The following ELAVL4 variants were observed in gnomAD, a reference collection of about 807,000 sequenced individuals.
ELAVL4 encodes ELAV like RNA binding protein 4.
Under a neutral mutation model 35.6 loss-of-function variants are expected in ELAVL4, and 1 was observed. That is an observed-to-expected ratio of 0.03 (90% confidence interval 0.01 to 0.13). The LOEUF is 0.13. Among genes scored for constraint, ELAVL4 ranks in the 10% least tolerant of loss-of-function variants. The pLI is 1.00. For missense variants in ELAVL4, 267 were observed against 464.9 expected (o/e 0.57, Z 3.91); for synonymous variants, 156 against 171.0 (o/e 0.91, Z 0.69).
chr1:50,091,839 C>T (rs1044537984), intron 1 of ELAVL4, among the ~76,000 whole-genome samples: 6 of 152,166 alleles, frequency 3.9e-5, no homozygotes, highest in African/African-American at 1.4e-4. Flanking sequence ...TGTTTTATCC[C>T]CATTTAATAG....
intron 2 of ELAVL4, among the ~76,000 whole-genome samples, chr1:50,159,669 A>C (rs992231583): frequency 1.3e-5 from 2 of 152,096 alleles, no homozygotes; most frequent in African/African-American, 4.8e-5. Flanking sequence ...CTGTGCTAAC[A>C]CGACGTGAAA....
chr1:50,048,215 C>A, intron 1 of ELAVL4: 1 of 1,501,342 alleles, frequency 6.7e-7, no homozygotes, highest in Non-Finnish European at 8.9e-7. Flanking sequence ...CCCGCACCCC[C>A]GACTCTGCCC....
intron 1 of ELAVL4, among the ~76,000 whole-genome samples, chr1:50,061,201 TA>T (rs1663947107): frequency 6.6e-6 from 1 of 152,234 alleles, no homozygotes; most frequent in Non-Finnish European, 1.5e-5. Context: ...GGTTTGTTCA[TA>T]AAATTATATG....
At chr1:50,149,164 A>G (rs1468991178) in intron 2 of ELAVL4, among the ~76,000 whole-genome samples, 5 of 152,096 alleles carry the variant, frequency 3.3e-5, no homozygotes, top group Non-Finnish European at 7.4e-5. Flanking sequence ...TTGGGTGGCC[A>G]AGGCAGATGG....
At chr1:50,198,633 C>A (rs1300804438) in intron 6 of ELAVL4, among the ~76,000 whole-genome samples, 2 of 152,196 alleles carry the variant, frequency 1.3e-5, no homozygotes, top group Non-Finnish European at 2.9e-5. Flanking sequence ...GATTTTACAT[C>A]TTTCCTAGCT....
chr1:50,134,711 G>A (rs375585410), intron 1 of ELAVL4, among the ~76,000 whole-genome samples: 9 of 152,260 alleles, frequency 5.9e-5, no homozygotes, highest in African/African-American at 1.7e-4. Flanking sequence ...ATTTTGGAAA[G>A]GAGAACCGAA....
intron 1 of ELAVL4, among the ~76,000 whole-genome samples, chr1:50,072,761 C>T (rs898189375): frequency 1.3e-5 from 2 of 152,114 alleles, no homozygotes; most frequent in Non-Finnish European, 2.9e-5. Flanking sequence ...TATCTGAATC[C>T]TTCTACAGCA....
At chr1:50,083,169 A>G (rs568945475) in intron 1 of ELAVL4, among the ~76,000 whole-genome samples, 18 of 152,238 alleles carry the variant, frequency 1.2e-4, no homozygotes, top group African/African-American at 4.3e-4. Flanking sequence ...TGATCTTCCC[A>G]CGTAATCCTC....
chr1:50,080,571 C>T (rs149907701), intron 1 of ELAVL4, among the ~76,000 whole-genome samples: 3 of 152,304 alleles, frequency 2.0e-5, no homozygotes, highest in Admixed American at 2.0e-4. Flanking sequence ...GAAATATCTT[C>T]TGTAGCTCCC....
intron 1 of ELAVL4, among the ~76,000 whole-genome samples, chr1:50,129,824 C>T (rs1211055134): frequency 3.9e-5 from 6 of 152,142 alleles, no homozygotes; most frequent in Non-Finnish European, 7.4e-5. Flanking sequence ...TTTTAATGGG[C>T]ACATATTTCA....
intron 2 of ELAVL4, among the ~76,000 whole-genome samples, chr1:50,164,938 G>T (rs561354486): frequency 1.3e-5 from 2 of 152,300 alleles, no homozygotes; most frequent in Non-Finnish European, 2.9e-5. Context: ...CCTGGGGAAA[G>T]AGAAATGAAT....
At chr1:50,140,821 A>C (rs1040591290) in intron 1 of ELAVL4, among the ~76,000 whole-genome samples, 1 of 151,416 alleles carries the variant, frequency 6.6e-6, no homozygotes, top group African/African-American at 2.4e-5. Flanking sequence ...GAGCAAAGAG[A>C]GCTCCATCTA....
intron 1 of ELAVL4, 26 bp downstream of exon 1, chr1:50,109,224 GTTGT>G (rs1557709085): frequency 6.2e-7 from 1 of 1,610,662 alleles, no homozygotes; most frequent in African/African-American, 1.3e-5. Flanking sequence ...TTTATAATCT[GTTGT>G]TTGTGTTGCT....
intron 2 of ELAVL4, among the ~76,000 whole-genome samples, chr1:50,156,687 A>G (rs1675820292): frequency 6.6e-6 from 1 of 152,200 alleles, no homozygotes; most frequent in African/African-American, 2.4e-5. Context: ...TATTTAGACA[A>G]GGAAACCAAG....
intron 2 of ELAVL4, among the ~76,000 whole-genome samples, chr1:50,176,148 C>T (rs1230929997): frequency 6.6e-6 from 1 of 152,188 alleles, no homozygotes; most frequent in Non-Finnish European, 1.5e-5. Flanking sequence ...TTTTATTTCA[C>T]TTGGGGGGAG....
At chr1:50,105,000 CAT>C (rs1255132637), upstream of ELAVL4, among the ~76,000 whole-genome samples, 3 of 152,188 alleles carry the variant, frequency 2.0e-5, no homozygotes, top group African/African-American at 7.2e-5. Context: ...TGGGTAGAGA[CAT>C]GTGATTGGCT....
At chr1:50,059,292 C>G (rs912460177) in intron 1 of ELAVL4, among the ~76,000 whole-genome samples, 2 of 152,134 alleles carry the variant, frequency 1.3e-5, no homozygotes, top group African/African-American at 4.8e-5. Flanking sequence ...TTGTCATTGC[C>G]TATACATGCA....
In ELAVL4 at chr1:50,193,911, A is replaced by C. The variant is rs1683052963; in HGVS notation, c.501A>C (p.Gln167His). The C allele has an allele frequency of 6.2e-7, 1 of 1,613,872 alleles. No individual in the cohort carries two copies. Among genetic ancestry groups the C allele is most frequent in the African/African-American group, 1.3e-5 (1 of 74,934 alleles). ...TCACCTCACGAATCCTGGTTGATCA[A>C]GTCACAGGTTAAGTGTTTCTTTGTA... ...RIITSRILVD[Q>H]VTGVSRGVGF... The change falls in exon 4 of 7, where the codon CAA (glutamine) becomes CAC (histidine). Residue 167 changes from glutamine (Q) to histidine (H), a missense_variant. By Grantham distance (24) the Gln-to-His change is conservative. Transcript: ENST00000371824.
At chr1:50,063,913 T>G (rs1664130328) in intron 1 of ELAVL4, among the ~76,000 whole-genome samples, 1 of 152,146 alleles carries the variant, frequency 6.6e-6, no homozygotes. Context: ...CACCCAGGGA[T>G]TCCTGTTTTC....
Sources: allele counts gnomAD v4.1 joint callset (sites outside exome capture counted in the v4.1 genomes callset), GRCh38; gene constraint gnomAD v4.1.1; transcripts MANE v1.5; gene names NCBI Gene and HGNC (gene_info 2026-07-23, HGNC 2026-07-21).